The following FSHR variants were observed in gnomAD, a reference collection of about 807,000 sequenced individuals.
The protein encoded by FSHR is follicle-stimulating hormone receptor.
A neutral mutation model predicts 52.1 loss-of-function variants in FSHR; 46 were observed. The ratio of observed to expected loss-of-function variants is 0.88; its 90% CI spans 0.70 to 1.13. FSHR has a LOEUF of 1.13. FSHR is among the 50% of genes most tolerant of loss of function. The probability of loss-of-function intolerance (pLI) is 0.00; values close to 1 mark genes in which losing one functional copy is unlikely to be tolerated. For missense variants in FSHR, 964 were observed against 834.6 expected (o/e 1.16, Z -1.91); for synonymous variants, 399 against 309.6 (o/e 1.29, Z -3.03).
chr2:49,044,362 C>T (rs1465955448), intron 2 of FSHR, among the ~76,000 whole-genome samples: 1 of 152,166 alleles, frequency 6.6e-6, no homozygotes, highest in African/African-American at 2.4e-5. Flanking sequence ...TCCTTTTATA[C>T]ACCACACTTA....
intron 1 of FSHR, among the ~76,000 whole-genome samples, chr2:49,117,349 A>G (rs751551746): frequency 7.2e-5 from 11 of 152,320 alleles, no homozygotes; most frequent in Non-Finnish European, 1.2e-4. Flanking sequence ...TGAATGGGAC[A>G]TATCATACAT....
Position 49,068,234 on chromosome 2 carries a change from C to T in FSHR, c.209G>A (p.Gly70Glu), listed in dbSNP as rs148279853. Residue 70 changes from glycine to glutamate, a missense_variant, in exon 2 of 10, where the codon GGG (glycine) becomes GAG (glutamate). Physicochemically the swap from Gly to Glu is moderately conservative, Grantham distance 98. Coordinates refer to ENST00000406846, the MANE Select transcript of FSHR (RefSeq NM_000145.4). ...VIQKGAFSGFGDLEKIEISQN... is the reference protein window; with the variant it reads ...VIQKGAFSGFEDLEKIEISQN... The stretch of plus-strand genomic sequence containing the variant: ...AGGTACATACATTTTCTCCAGGTCC[C>T]CAAATCCTGAAAATGCACCTTTTTG... 3.7e-6 allele frequency: 6 copies of T among 1,610,638 alleles called. No homozygotes were observed. The highest frequency in any genetic ancestry group is 5.1e-6 in the Non-Finnish European group (6 of 1,178,470).
intron 1 of FSHR, among the ~76,000 whole-genome samples, chr2:49,150,385 C>G (rs958321080): frequency 6.6e-6 from 1 of 152,074 alleles, no homozygotes; most frequent in African/African-American, 2.4e-5. Flanking sequence ...TCTCATATCT[C>G]TTGACTGACT....
In FSHR at chr2:49,018,172, G is replaced by A. The variant is rs137889545; in HGVS notation, c.300-609C>T. On this transcript the variant is annotated intron_variant, in intron 3 of 9. Transcript: ENST00000406846. ...TGAAATCCAAGCATACAGTAGCTGGGAATGGCCATTGATTCCCTTTATGCA... is the reference window on the plus strand; with the variant it reads ...TGAAATCCAAGCATACAGTAGCTGGAAATGGCCATTGATTCCCTTTATGCA... Among the ~76,000 whole-genome samples, 43 of 152,260 alleles carry A rather than the reference G, an allele frequency of 2.8e-4. No individual in the cohort carries two copies. The East Asian group carries it at 2.9e-3, about 10-fold the overall frequency.
At chr2:49,058,578 A>G (rs989997909) in intron 2 of FSHR, among the ~76,000 whole-genome samples, 1 of 152,120 alleles carries the variant, frequency 6.6e-6, no homozygotes, top group Non-Finnish European at 1.5e-5. Flanking sequence ...AAAACCTTTA[A>G]GAACTGTTAA....
chr2:49,119,257 G>A (rs1045460645), intron 1 of FSHR, among the ~76,000 whole-genome samples: 7 of 152,184 alleles, frequency 4.6e-5, no homozygotes, highest in Non-Finnish European at 8.8e-5. Flanking sequence ...TTACTTCAAA[G>A]TGATTTTTTG....
At chr2:49,101,627 C>A (rs940721610) in intron 1 of FSHR, among the ~76,000 whole-genome samples, 1 of 152,006 alleles carries the variant, frequency 6.6e-6, no homozygotes, top group Non-Finnish European at 1.5e-5. Context: ...GGATTTAGCT[C>A]CTAGTTGAAG....
chr2:49,017,834 A>G (rs1313591757), intron 3 of FSHR, among the ~76,000 whole-genome samples: 1 of 152,120 alleles, frequency 6.6e-6, no homozygotes, highest in Non-Finnish European at 1.5e-5. Flanking sequence ...AGGCAAACAG[A>G]GCATTGGCTG....
rs546867652 is a variant in FSHR, at chr2:49,149,393, T to G, written c.152+4873A>C. Among the ~76,000 whole-genome samples, 4 of 152,186 alleles carry G rather than the reference T, an allele frequency of 2.6e-5. No homozygotes were observed. In the East Asian group the frequency reaches 5.8e-4, roughly 22 times the overall value. On this transcript the variant is annotated intron_variant, in intron 1 of 9. Coordinates refer to ENST00000406846, the MANE Select transcript of FSHR (RefSeq NM_000145.4). Reference sequence around the variant, plus strand: ...AAAAACGAATCCAAGAGTCCTTTTCTAGATGTGATATTGAACACTGAATCT... The same window carrying G: ...AAAAACGAATCCAAGAGTCCTTTTCGAGATGTGATATTGAACACTGAATCT...
intron 1 of FSHR, among the ~76,000 whole-genome samples, chr2:49,092,779 C>T (rs1004545386): frequency 6.6e-6 from 1 of 152,170 alleles, no homozygotes; most frequent in African/African-American, 2.4e-5. Context: ...GATTCTCCTG[C>T]CTCAGCCTCC....
intron 1 of FSHR, among the ~76,000 whole-genome samples, chr2:49,128,492 GAA>G (rs34017410): frequency 1.0e-4 from 15 of 147,492 alleles, no homozygotes; most frequent in South Asian, 4.3e-4. Flanking sequence ...CTGTGGCCTG[GAA>G]AAAAAAAAAT....
At chr2:49,100,094 A>G (rs975657323) in intron 1 of FSHR, among the ~76,000 whole-genome samples, 1 of 152,154 alleles carries the variant, frequency 6.6e-6, no homozygotes, top group East Asian at 1.9e-4. Flanking sequence ...AACTCATGTA[A>G]TCTTCACAAC....
At chr2:49,007,522 A>T (rs140925472) in intron 4 of FSHR, among the ~76,000 whole-genome samples, 1 of 152,306 alleles carries the variant, frequency 6.6e-6, no homozygotes, top group Non-Finnish European at 1.5e-5. Context: ...GGCAGGGTTG[A>T]GAACTTTTAG....
At chr2:49,001,229 G>T (rs12713029) in intron 4 of FSHR, among the ~76,000 whole-genome samples, 114,845 of 151,986 alleles carry the variant, frequency 0.76, 43,531 homozygotes, top group Admixed American at 0.81. Context: ...ATTTAACGCT[G>T]CCCATAACCC....
At chr2:49,003,864 C>G (rs1666991394) in intron 4 of FSHR, among the ~76,000 whole-genome samples, 1 of 151,796 alleles carries the variant, frequency 6.6e-6, no homozygotes, top group Non-Finnish European at 1.5e-5. Flanking sequence ...TTGCTGCCCA[C>G]TGCCCTGCCC....
intron 2 of FSHR, among the ~76,000 whole-genome samples, chr2:49,023,854 G>A (rs1409460077): frequency 6.6e-6 from 1 of 152,082 alleles, no homozygotes; most frequent in African/African-American, 2.4e-5. Flanking sequence ...GAGGTACTGG[G>A]GGTTATCAAG....
intron 2 of FSHR, among the ~76,000 whole-genome samples, chr2:49,020,804 A>G (rs1667666956): frequency 6.6e-6 from 1 of 152,142 alleles, no homozygotes; most frequent in Non-Finnish European, 1.5e-5. Context: ...AAATACACAT[A>G]TGTTTGTTGG....
intron 2 of FSHR, among the ~76,000 whole-genome samples, chr2:49,035,792 T>C (rs56945754): frequency 6.6e-6 from 1 of 152,110 alleles, no homozygotes; most frequent in Non-Finnish European, 1.5e-5. Flanking sequence ...TTGCATTTAA[T>C]AAAGGACTAC....
intron 4 of FSHR, among the ~76,000 whole-genome samples, chr2:48,999,863 G>A (rs1174434678): frequency 6.6e-6 from 1 of 152,092 alleles, no homozygotes; most frequent in African/African-American, 2.4e-5. Context: ...TCATTGTATA[G>A]TATATCCTGA....
Sources: gnomAD v4.1 joint callset for allele counts (sites outside exome capture counted in the v4.1 genomes callset) on GRCh38, gnomAD v4.1.1 for gene constraint, MANE v1.5 for transcripts, NCBI Gene and HGNC (gene_info 2026-07-23, HGNC 2026-07-21) for gene names.